SLCO1B3: variants seen among roughly 807,000 people sequenced by gnomAD.
SLCO1B3 encodes the protein liver-specific organic anion transporter 2.
A neutral mutation model predicts 71.8 loss-of-function variants in SLCO1B3; 72 were observed. The ratio of observed to expected loss-of-function variants is 1.00; its 90% CI spans 0.83 to 1.22. SLCO1B3 has a LOEUF of 1.22. Ranked by LOEUF, SLCO1B3 falls within the 50% of genes most tolerant of loss-of-function variation. The pLI is 0.00. For synonymous variants in SLCO1B3, 298 were observed against 278.4 expected (o/e 1.07, Z -0.70); for missense variants, 911 against 819.7 (o/e 1.11, Z -1.36).
At position 20,875,412 on chromosome 12, in the gene SLCO1B3, A is replaced by G; in HGVS notation, c.905A>G (p.Asn302Ser). The G allele has an allele frequency of 2.5e-6, 4 of 1,607,754 alleles. No individual in the cohort carries two copies. Among genetic ancestry groups the G allele is most frequent in the Non-Finnish European group, 3.4e-6 (4 of 1,178,254 alleles). The change falls in exon 9 of 16, where the codon AAT becomes AGT. Residue 302 changes from asparagine (N) to serine (S), a missense_variant. Coordinates refer to ENST00000381545, the MANE Select transcript of SLCO1B3 (RefSeq NM_019844.4). ...CTATCATTGCATGTGCTGAAAACAAATGATGATAGAAATCAAACAGCTAAT... is the reference window on the plus strand; with the variant it reads ...CTATCATTGCATGTGCTGAAAACAAGTGATGATAGAAATCAAACAGCTAAT... ...ISLSLHVLKT[N>S]DDRNQTANLT...
At chr12:20,850,820 C>T (rs945524129) in intron 3 of SLCO1B3, among the ~76,000 whole-genome samples, 1 of 152,136 alleles carries the variant, frequency 6.6e-6, no homozygotes, top group Non-Finnish European at 1.5e-5. Context: ...ATCCATGTTG[C>T]TGGAATACAA....
chr12:20,863,542 C>T (rs1865312093), intron 8 of SLCO1B3, among the ~76,000 whole-genome samples: 1 of 152,000 alleles, frequency 6.6e-6, no homozygotes, highest in Non-Finnish European at 1.5e-5. Flanking sequence ...TTTTTTAACC[C>T]ATACTTATGA....
chr12:20,883,320 T>C (rs1865728100), intron 12 of SLCO1B3, 98 bp from the exon 13 acceptor site: 1 of 655,012 alleles, frequency 1.5e-6, no homozygotes. Context: ...AAACTGTAAA[T>C]ATTTTAGTTT....
intron 5 of SLCO1B3, among the ~76,000 whole-genome samples, chr12:20,859,204 A>T (rs1449000664): frequency 1.3e-5 from 2 of 152,218 alleles, no homozygotes; most frequent in Non-Finnish European, 2.9e-5. Context: ...AAGAACAAAG[A>T]GTGCACACAG....
chr12:20,878,414 T>C (rs1198056346), intron 10 of SLCO1B3, among the ~76,000 whole-genome samples: 1 of 152,138 alleles, frequency 6.6e-6, no homozygotes, highest in Non-Finnish European at 1.5e-5. Flanking sequence ...AAAACAAATG[T>C]CATATTTTAG....
intron 1 of SLCO1B3, among the ~76,000 whole-genome samples, chr12:20,813,065 G>A (rs1864134629): frequency 6.6e-6 from 1 of 151,986 alleles, no homozygotes; most frequent in Non-Finnish European, 1.5e-5. Flanking sequence ...TGGAATAATT[G>A]AACTTCTCTT....
At chr12:20,912,170 C>T (rs1483193027) in intron 15 of SLCO1B3, among the ~76,000 whole-genome samples, 2 of 151,826 alleles carry the variant, frequency 1.3e-5, no homozygotes, top group African/African-American at 2.4e-5. Flanking sequence ...AAGTGTATTG[C>T]TTAATCTTCA....
chr12:20,889,575 A>G (rs1167553616), intron 13 of SLCO1B3, among the ~76,000 whole-genome samples: 1 of 151,952 alleles, frequency 6.6e-6, no homozygotes, highest in Non-Finnish European at 1.5e-5. Context: ...GATTGTCCTT[A>G]TTTGAATCTT....
At chr12:20,860,539 C>T (rs938851566) in intron 5 of SLCO1B3, among the ~76,000 whole-genome samples, 1 of 151,460 alleles carries the variant, frequency 6.6e-6, no homozygotes, top group Non-Finnish European at 1.5e-5. Context: ...TTATTTTTTC[C>T]TCATAAAGTT....
chr12:20,878,032 T>TAGTAAAATA, intron 10 of SLCO1B3, 96 bp downstream of exon 10: 1 of 805,376 alleles, frequency 1.2e-6, no homozygotes, highest in Non-Finnish European at 1.9e-6. Flanking sequence ...ATTTTATATT[T>TAGTAAAATA]TACTAAATGT....
chr12:20,818,029 G>A (rs1864223248), intron 3 of SLCO1B3, among the ~76,000 whole-genome samples: 1 of 152,082 alleles, frequency 6.6e-6, no homozygotes, highest in African/African-American at 2.4e-5. Flanking sequence ...GTGAATAGGA[G>A]TATGACTAGA....
chr12:20,832,204 C>T (rs1192086907), intron 3 of SLCO1B3, among the ~76,000 whole-genome samples: 3 of 152,170 alleles, frequency 2.0e-5, no homozygotes, highest in East Asian at 3.9e-4. Context: ...ACTTGGTTTA[C>T]GTGCATGTGC....
At position 20,901,400 on chromosome 12, in the gene SLCO1B3, A is replaced by G; in HGVS notation, c.1798A>G (p.Met600Val). ...YFGALIDKTC[M>V]KWSTNSCGAQ... ...TGGGGCTCTGATTGATAAAACATGT[A>G]TGAAGTGGTCCACCAACAGCTGTGG... The change falls in exon 15 of 16, where the codon ATG becomes GTG. Residue 600 changes from methionine to valine, a missense_variant. Physicochemically the swap from Met to Val is conservative, Grantham distance 21. Coordinates refer to ENST00000381545, the MANE Select transcript of SLCO1B3 (RefSeq NM_019844.4). 1.3e-6 allele frequency: 2 copies of G among 1,591,318 alleles called. No homozygotes were observed. The highest frequency in any genetic ancestry group is 1.8e-5 in the Admixed American group (1 of 55,074).
At chr12:20,901,540 T>A in intron 15 of SLCO1B3, 73 bp downstream of exon 15, 1 of 742,206 alleles carries the variant, frequency 1.3e-6, no homozygotes, top group Non-Finnish European at 2.2e-6. Flanking sequence ...TATAGCATTT[T>A]TAGTGTGATC....
At chr12:20,860,747 T>C (rs982885267) in intron 5 of SLCO1B3, among the ~76,000 whole-genome samples, 3 of 152,108 alleles carry the variant, frequency 2.0e-5, no homozygotes, top group Non-Finnish European at 2.9e-5. Flanking sequence ...ATTTCATATC[T>C]TGACCAGATT....
Position 20,849,373 on chromosome 12 carries a change from C to T in SLCO1B3, c.85-5655C>T, listed in dbSNP as rs377022956. Among the ~76,000 whole-genome samples the T allele has an allele frequency of 7.2e-4, 109 of 151,954 alleles. No individual in the cohort carries two copies. The South Asian group carries it at 0.021, about 30-fold the overall frequency. ...AACACCCTTTCTCAACACAAACACC[C>T]AGAAAACTAGTAATATAAGGGACCT... On this transcript the variant is annotated intron_variant, in intron 3 of 15. Transcript: ENST00000381545.
At chr12:20,812,519 G>C (rs868486697) in intron 1 of SLCO1B3, among the ~76,000 whole-genome samples, 67 of 152,290 alleles carry the variant, frequency 4.4e-4, no homozygotes, top group Admixed American at 6.5e-4. Flanking sequence ...ATACATGAAG[G>C]TAGAGAGCTT....
chr12:20,813,911 G>A (rs944054778), intron 2 of SLCO1B3, among the ~76,000 whole-genome samples: 5 of 152,040 alleles, frequency 3.3e-5, no homozygotes, highest in Non-Finnish European at 5.9e-5. Context: ...AGAATCAATT[G>A]TACATATAAC....
intron 3 of SLCO1B3, among the ~76,000 whole-genome samples, chr12:20,833,672 A>G (rs1050522011): frequency 1.0e-4 from 5 of 47,800 alleles, no homozygotes; most frequent in African/African-American, 1.9e-4. Context: ...GCATATATAC[A>G]TACACTTTAT....
Sources: allele counts gnomAD v4.1 joint callset (sites outside exome capture counted in the v4.1 genomes callset), GRCh38; gene constraint gnomAD v4.1.1; transcripts MANE v1.5; gene names NCBI Gene and HGNC (gene_info 2026-07-23, HGNC 2026-07-21).